Variants in LSM3 observed in about 807,000 individuals in gnomAD.
LSM3 encodes the protein LSM3 homolog, U6 small nuclear RNA and mRNA degradation associated, also known as U6 snRNA-associated Sm-like protein LSm3.
In LSM3, 14 loss-of-function variants were observed where a neutral mutation model predicts 15.4. The observed-to-expected ratio is 0.91, with a 90% CI of 0.60 to 1.42. LSM3 has a LOEUF of 1.42. LSM3 is among the 40% of genes most tolerant of loss of function. The pLI is 0.00. For missense variants in LSM3, 88 were observed against 127.9 expected, an observed-to-expected ratio of 0.69 and a Z score of 1.50; for synonymous variants, 46 against 45.1, an observed-to-expected ratio of 1.02 and a Z score of -0.08.
In LSM3 at chr3:14,181,868, T is replaced by C. The variant is rs948107002; in HGVS notation, c.132+198T>C. On this transcript the variant is annotated intron_variant, in intron 2 of 3. Transcript: ENST00000306024. ...TTTCTTTTAATAGAAATACGTTTAT[T>C]ATAGAACATTTTTATTCCCTTCATT... Among the ~76,000 whole-genome samples, 3 of 152,220 alleles carry C rather than the reference T, an allele frequency of 2.0e-5. No homozygotes were observed. The South Asian group carries it at 6.2e-4, about 32-fold the overall frequency.
At chr3:14,181,087 C>T (rs1402901531) in intron 1 of LSM3, among the ~76,000 whole-genome samples, 1 of 152,070 alleles carries the variant, frequency 6.6e-6, no homozygotes, top group Non-Finnish European at 1.5e-5. Flanking sequence ...AGTTGGCAGC[C>T]TAAACTCAAC....
intron 2 of LSM3, among the ~76,000 whole-genome samples, chr3:14,182,729 A>T (rs1050220504): frequency 1.3e-5 from 2 of 152,204 alleles, no homozygotes; most frequent in African/African-American, 4.8e-5. Flanking sequence ...TTTGTGTGTG[A>T]TATCTCATTT....
intron 3 of LSM3, among the ~76,000 whole-genome samples, chr3:14,194,518 C>T (rs1462948988): frequency 1.3e-5 from 2 of 152,156 alleles, no homozygotes; most frequent in East Asian, 1.9e-4. Context: ...TTATTCATCT[C>T]TCTGCGTCTA....
chr3:14,193,378 A>G (rs909240486), intron 3 of LSM3, among the ~76,000 whole-genome samples: 1 of 152,204 alleles, frequency 6.6e-6, no homozygotes, highest in African/African-American at 2.4e-5. Context: ...GTGTTTTCCA[A>G]CTTGGTTCCA....
intron 3 of LSM3, among the ~76,000 whole-genome samples, chr3:14,187,301 G>T (rs1053250590): frequency 3.9e-5 from 6 of 152,196 alleles, no homozygotes; most frequent in Non-Finnish European, 8.8e-5. Context: ...TACTGGGGCT[G>T]GTTAGCTCCT....
At chr3:14,185,884 T>C (rs978684181) in intron 3 of LSM3, among the ~76,000 whole-genome samples, 51 of 152,186 alleles carry the variant, frequency 3.4e-4, no homozygotes, top group African/African-American at 1.2e-3. Context: ...AAAATCACAT[T>C]TATTAGTTAT....
At chr3:14,194,154 G>A (rs1697166951) in intron 3 of LSM3, among the ~76,000 whole-genome samples, 1 of 152,224 alleles carries the variant, frequency 6.6e-6, no homozygotes, top group South Asian at 2.1e-4. Flanking sequence ...AGGGGCACCT[G>A]CCAGATGCCA....
At chr3:14,188,179 A>G (rs768589585) in intron 3 of LSM3, among the ~76,000 whole-genome samples, 9 of 152,190 alleles carry the variant, frequency 5.9e-5, no homozygotes, top group Non-Finnish European at 1.0e-4. Flanking sequence ...ACATGTGGCT[A>G]TTTGGCACTT....
chr3:14,184,176 T>C, intron 3 of LSM3, 144 bp downstream of exon 3: 1 of 1,138,038 alleles, frequency 8.8e-7, no homozygotes, highest in Non-Finnish European at 1.1e-6. Context: ...GCAAGGGTTC[T>C]GGCATCTGAC....
At position 14,185,577 on chromosome 3, in the gene LSM3, T is replaced by C. The variant is rs1697081547; in HGVS notation, c.228+1545T>C. ...GAGTTGTTGTTGTAATTGAAGCAAA[T>C]CTGACCACACAGATAGGTAGTTGGA... On this transcript the variant is annotated intron_variant, in intron 3 of 3. Transcript: ENST00000306024. Among the ~76,000 whole-genome samples the C allele has an allele frequency of 1.3e-5, 2 of 152,202 alleles. 1 individual carries two copies. The highest frequency in any genetic ancestry group is 1.3e-4 in the Admixed American group (2 of 15,286).
In LSM3 at chr3:14,193,388, A is replaced by T. The variant is rs1039567710; in HGVS notation, c.229-4648A>T. 5.3e-5 allele frequency among the ~76,000 whole-genome samples: 8 copies of T among 152,118 alleles called. No individual in the cohort carries two copies. The East Asian group carries it at 1.5e-3, about 29-fold the overall frequency. ...GAAGAGTGTTTTCCAACTTGGTTCC[A>T]TTCTCTCCGTCACTTTGAGGTACAC... On this transcript the variant is annotated intron_variant, in intron 3 of 3. Coordinates refer to ENST00000306024, the MANE Select transcript of LSM3 (RefSeq NM_014463.3).
chr3:14,185,299 C>T (rs1697078249), intron 3 of LSM3, among the ~76,000 whole-genome samples: 1 of 152,132 alleles, frequency 6.6e-6, no homozygotes, highest in Non-Finnish European at 1.5e-5. Flanking sequence ...TTGCGGTAAG[C>T]TGAGATCGTG....
chr3:14,199,275 A>G lies in LSM3; in HGVS notation c.*1159A>G, dbSNP rs974940307. ...TTTTATTTCTAGCTTCAGTCAGCAC[A>G]TAATGCTTAAAACCTAAAGAGGAAA... On this transcript the variant is annotated 3_prime_UTR_variant, in exon 4 of 4. Coordinates refer to ENST00000306024, the MANE Select transcript of LSM3 (RefSeq NM_014463.3). The G allele has an allele frequency of 1.5e-4, 23 of 152,274 alleles. No homozygotes were observed. Among genetic ancestry groups the G allele is most frequent in the Non-Finnish European group, 2.2e-4 (15 of 68,054 alleles). 9.4% of individuals were successfully genotyped at this position (152,274 alleles called of 1,614,324 possible).
intron 3 of LSM3, among the ~76,000 whole-genome samples, chr3:14,193,654 G>T (rs1312673680): frequency 6.6e-6 from 1 of 152,010 alleles, no homozygotes; most frequent in Non-Finnish European, 1.5e-5. Flanking sequence ...TCTCTACATT[G>T]GTTATTCTAG....
At chr3:14,184,170 G>C in intron 3 of LSM3, 138 bp downstream of exon 3, 1 of 1,166,376 alleles carries the variant, frequency 8.6e-7, no homozygotes, top group Non-Finnish European at 1.1e-6. Context: ...TTAAAAGCAA[G>C]GGTTCTGGCA....
chr3:14,184,026 A>C lies in LSM3; in HGVS notation c.222A>C (p.Ile74=). Residue 74 remains isoleucine (I), a synonymous_variant, in exon 3 of 4, where the codon ATA becomes ATC. Coordinates refer to ENST00000306024, the MANE Select transcript of LSM3 (RefSeq NM_014463.3). ...IEIDEETYEE[I]YKSTKRNIPM... is the part of the protein sequence containing the mutation. ...TTGATGAAGAAACATATGAAGAGATATATAAAGTAAGTCATGCAATTCTAT... is the reference window on the plus strand; with the variant it reads ...TTGATGAAGAAACATATGAAGAGATCTATAAAGTAAGTCATGCAATTCTAT... The C allele has an allele frequency of 6.2e-7, 1 of 1,605,256 alleles. No homozygotes were observed.
chr3:14,189,310 A>G (rs931676747), intron 3 of LSM3, among the ~76,000 whole-genome samples: 17 of 152,356 alleles, frequency 1.1e-4, no homozygotes, highest in Admixed American at 5.9e-4. Context: ...TCCTTTGGGT[A>G]TATGCCCAGT....
In LSM3 at chr3:14,198,206, C is replaced by T. The variant is rs1454030085; in HGVS notation, c.*90C>T. 7 of 922,426 alleles carry T rather than the reference C, an allele frequency of 7.6e-6. No homozygotes were observed. In the Admixed American group the frequency reaches 1.4e-4, roughly 19 times the overall value. 57.1% of individuals were successfully genotyped at this position (922,426 alleles called of 1,614,324 possible). On this transcript the variant is annotated 3_prime_UTR_variant, in exon 4 of 4. Coordinates refer to ENST00000306024, the MANE Select transcript of LSM3 (RefSeq NM_014463.3). ...AACATTCATAAGAGAAACCTGCATA[C>T]ATTTTGATATTAAGAAATAATTCCG...
chr3:14,199,098 A>G lies in LSM3; in HGVS notation c.*982A>G, dbSNP rs1697211826. 6.6e-6 allele frequency: 1 copy of G among 152,164 alleles called. No homozygotes were observed. The highest frequency in any genetic ancestry group is 6.5e-5 in the Admixed American group (1 of 15,272). The allele number at this position is 152,164 out of a possible 1,614,324, so 9.4% of individuals were successfully genotyped here. On this transcript the variant is annotated 3_prime_UTR_variant, in exon 4 of 4. Transcript: ENST00000306024. ...CTTTTCTCTGGCCTGATTTAATTCT[A>G]AGGTCAGACGTTCAGCTTGATCATA... is the stretch of plus-strand genomic sequence containing the variant.
Sources: gnomAD v4.1 joint callset for allele counts (sites outside exome capture counted in the v4.1 genomes callset) on GRCh38, gnomAD v4.1.1 for gene constraint, MANE v1.5 for transcripts, NCBI Gene and HGNC (gene_info 2026-07-23, HGNC 2026-07-21) for gene names.